Variants in PTPRD observed in about 807,000 individuals in gnomAD.
The protein encoded by PTPRD is receptor-type tyrosine-protein phosphatase delta.
PTPRD carries 34 observed loss-of-function variants against 214.5 expected under a neutral mutation model. The ratio of observed to expected loss-of-function variants is 0.16; its 90% CI spans 0.12 to 0.21. PTPRD has a LOEUF of 0.21. Among genes scored for constraint, PTPRD ranks in the 10% least tolerant of loss-of-function variants. The pLI, the probability that PTPRD is intolerant of heterozygous loss-of-function variation, is 1.00. For synonymous variants in PTPRD, 1,128 were observed against 845.7 expected (o/e 1.33, Z -5.79); for missense variants, 2,545 against 2,398.7 (o/e 1.06, Z -1.27).
intron 7 of PTPRD, among the ~76,000 whole-genome samples, chr9:9,619,840 G>A (rs547077530): frequency 3.4e-5 from 5 of 146,452 alleles, no homozygotes; most frequent in Non-Finnish European, 7.5e-5. Flanking sequence ...ATATATGTTA[G>A]CTTTTTATTT....
At chr9:8,782,229 C>G (rs1335376769) in intron 11 of PTPRD, among the ~76,000 whole-genome samples, 2 of 151,928 alleles carry the variant, frequency 1.3e-5, no homozygotes, top group Non-Finnish European at 2.9e-5. Context: ...TGGAATGGAT[C>G]AAGCTAATTA....
intron 5 of PTPRD, among the ~76,000 whole-genome samples, chr9:9,791,517 G>A (rs940569235): frequency 3.3e-5 from 5 of 151,986 alleles, no homozygotes; most frequent in African/African-American, 9.7e-5. Flanking sequence ...CTTATAATGG[G>A]TTCTATCACC....
chr9:9,818,829 T>C (rs373171356), intron 5 of PTPRD, among the ~76,000 whole-genome samples: 87 of 146,844 alleles, frequency 5.9e-4, no homozygotes, highest in African/African-American at 2.1e-3. Context: ...GGCTGGAAAA[T>C]TGCTTGAAAC....
At position 9,093,224 on chromosome 9, in the gene PTPRD, A is replaced by G. The variant is rs916101866; in HGVS notation, c.-142-74489T>C. Among the ~76,000 whole-genome samples, 171 of 152,246 alleles carry G rather than the reference A, an allele frequency of 1.1e-3. 1 individual carries two copies. Among genetic ancestry groups the G allele is most frequent in the African/African-American group, 4.0e-3 (167 of 41,590 alleles). Reference sequence around the variant, plus strand: ...ACTAAAAGGAGAATTAAGCAAATCCATAATTATAGTTAGAGGCTTCAAAAT... The same window carrying G: ...ACTAAAAGGAGAATTAAGCAAATCCGTAATTATAGTTAGAGGCTTCAAAAT... On this transcript the variant is annotated intron_variant, in intron 10 of 45. Coordinates refer to ENST00000381196, the MANE Select transcript of PTPRD (RefSeq NM_002839.4).
chr9:8,326,499 G>C (rs1304736696), intron 44 of PTPRD, among the ~76,000 whole-genome samples: 1 of 138,560 alleles, frequency 7.2e-6, no homozygotes. Flanking sequence ...TTTTGGCATC[G>C]ATGTTCATCA....
At chr9:9,015,612 A>T (rs1218176427) in intron 11 of PTPRD, among the ~76,000 whole-genome samples, 1 of 152,148 alleles carries the variant, frequency 6.6e-6, no homozygotes, top group Non-Finnish European at 1.5e-5. Flanking sequence ...ATTTGTTTTC[A>T]CTTTACTCTA....
At chr9:8,505,107 G>A (rs2097514180) in intron 22 of PTPRD, among the ~76,000 whole-genome samples, 1 of 152,106 alleles carries the variant, frequency 6.6e-6, no homozygotes, top group African/African-American at 2.4e-5. Flanking sequence ...AAATGTTTGT[G>A]GACTTTTGAT....
chr9:8,476,619 A>G (rs574889573), intron 30 of PTPRD, among the ~76,000 whole-genome samples: 143 of 152,274 alleles, frequency 9.4e-4, no homozygotes, highest in Non-Finnish European at 1.6e-3. Context: ...CCCCCATTAT[A>G]TGGTCTCTAT....
chr9:9,398,532 G>A (rs1330608934), intron 8 of PTPRD, among the ~76,000 whole-genome samples: 2 of 151,920 alleles, frequency 1.3e-5, no homozygotes, highest in East Asian at 1.9e-4. Flanking sequence ...TTCCATTGCA[G>A]TTTCTGGAAT....
intron 11 of PTPRD, among the ~76,000 whole-genome samples, chr9:8,793,250 T>A (rs572480995): frequency 3.3e-5 from 5 of 151,078 alleles, no homozygotes; most frequent in African/African-American, 1.2e-4. Context: ...TACTCTCTCT[T>A]CCTTTGATCA....
At chr9:8,341,053 C>A in intron 41 of PTPRD, 37 bp downstream of exon 41, 2 of 1,524,572 alleles carry the variant, frequency 1.3e-6, no homozygotes, top group Non-Finnish European at 8.8e-7. Context: ...ATGTAAATAT[C>A]AAGGCTTTGG....
chr9:8,339,180 T>A lies in PTPRD; in HGVS notation c.5254-133A>T, dbSNP rs983380616. On this transcript the variant is annotated intron_variant, in intron 42 of 45. Coordinates refer to ENST00000381196, the MANE Select transcript of PTPRD (RefSeq NM_002839.4). ...ATTTCAAAATTCAAGGCAATTCCAATTGCATATGACTCATTTCCTCTTAGA... is the reference window on the plus strand; with the variant it reads ...ATTTCAAAATTCAAGGCAATTCCAAATGCATATGACTCATTTCCTCTTAGA... The A allele has an allele frequency of 5.5e-6, 5 of 904,056 alleles. No individual in the cohort carries two copies. In the African/African-American group the frequency reaches 8.4e-5, roughly 15 times the overall value. 56.0% of individuals were successfully genotyped at this position (904,056 alleles called of 1,614,324 possible). A position where few individuals can be genotyped will look rare whatever the true frequency, so the allele number is the denominator to read the frequency against.
At chr9:10,230,827 A>G (rs999814318) in intron 3 of PTPRD, among the ~76,000 whole-genome samples, 4 of 152,000 alleles carry the variant, frequency 2.6e-5, no homozygotes, top group African/African-American at 9.7e-5. Context: ...TTAAGTTGTT[A>G]CTTATTTGCA....
At chr9:10,400,078 C>T (rs997522461) in intron 2 of PTPRD, among the ~76,000 whole-genome samples, 3 of 151,768 alleles carry the variant, frequency 2.0e-5, no homozygotes, top group East Asian at 1.9e-4. Context: ...AGCATAACTC[C>T]GATATAGTGG....
At chr9:10,439,629 C>T (rs962476129) in intron 2 of PTPRD, among the ~76,000 whole-genome samples, 1 of 151,336 alleles carries the variant, frequency 6.6e-6, no homozygotes, top group African/African-American at 2.4e-5. Flanking sequence ...TTTGTGCAAA[C>T]TATAAAGTGA....
At chr9:9,875,429 A>G (rs758120271) in intron 5 of PTPRD, among the ~76,000 whole-genome samples, 1 of 152,136 alleles carries the variant, frequency 6.6e-6, no homozygotes, top group Non-Finnish European at 1.5e-5. Flanking sequence ...TTTCAAGAAC[A>G]TTGAATATCT....
intron 10 of PTPRD, among the ~76,000 whole-genome samples, chr9:9,024,104 T>C (rs2099578742): frequency 6.6e-6 from 1 of 151,804 alleles, no homozygotes; most frequent in South Asian, 2.1e-4. Context: ...AGACAGCTGC[T>C]CTTGACTTTT....
chr9:9,014,404 C>T (rs576477461), intron 11 of PTPRD, among the ~76,000 whole-genome samples: 1 of 152,000 alleles, frequency 6.6e-6, no homozygotes, highest in South Asian at 2.1e-4. Context: ...AAAATGTCAC[C>T]TAATAGTACA....
In PTPRD at chr9:8,934,421, G is replaced by GTGTGTGTA. The variant is rs1306403766; in HGVS notation, c.-104+84275_-104+84276insTACACACA. Among the ~76,000 whole-genome samples the GTGTGTGTA allele has an allele frequency of 5.5e-3, 149 of 27,320 alleles. 4 individuals carry two copies. The highest frequency in any genetic ancestry group is 9.4e-3 in the South Asian group (10 of 1,068). The allele number at this position is 27,320 out of a possible 152,430, so 17.9% of individuals were successfully genotyped here. A position where few individuals can be genotyped will look rare whatever the true frequency, so the allele number is the denominator to read the frequency against. On this transcript the variant is annotated intron_variant, in intron 11 of 45. Coordinates refer to ENST00000381196, the MANE Select transcript of PTPRD (RefSeq NM_002839.4). ...TGTGTGTGTGTGTGTGTGTGTGTGT[G>GTGTGTGTA]TATATATATATATAAATATATATAT...
Sources: gnomAD v4.1 joint callset for allele counts (sites outside exome capture counted in the v4.1 genomes callset) on GRCh38, gnomAD v4.1.1 for gene constraint, MANE v1.5 for transcripts, NCBI Gene and HGNC (gene_info 2026-07-23, HGNC 2026-07-21) for gene names.